The following OR13C3 variants were observed in gnomAD, a reference collection of about 807,000 sequenced individuals.
The protein encoded by OR13C3 is olfactory receptor 13C3.
In OR13C3, 19 loss-of-function variants were observed where a neutral mutation model predicts 14.4. The ratio of observed to expected loss-of-function variants is 1.31; its 90% confidence interval spans 0.92 to 1.93. OR13C3 has a LOEUF of 1.93. OR13C3 is among the 30% of genes most tolerant of loss of function. The probability of loss-of-function intolerance (pLI) is 0.00; values close to 1 mark genes in which losing one functional copy is unlikely to be tolerated. For synonymous variants in OR13C3, 140 were observed against 142.5 expected (o/e 0.98, Z 0.12); for missense variants, 394 against 381.4 (o/e 1.03, Z -0.27).
exon 1 of OR13C3, chr9:104,535,873 T>C: frequency 3.1e-6 from 5 of 1,613,474 alleles, no homozygotes; most frequent in Non-Finnish European, 4.2e-6. Flanking sequence ...CACTACCCCA[T>C]AAAACAGAGA....
At chr9:104,536,516 C>A in exon 1 of OR13C3, 2 of 1,614,050 alleles carry the variant, frequency 1.2e-6, no homozygotes, top group Non-Finnish European at 1.7e-6. Flanking sequence ...TAGCAGATAT[C>A]CAGGAAAGAG....
chr9:104,536,589 T>C (rs769876821), exon 1 of OR13C3: 21 of 1,613,714 alleles, frequency 1.3e-5, no homozygotes, highest in Non-Finnish European at 1.7e-5. Context: ...TGGCTATGAT[T>C]AGAACACCAT....
chr9:104,536,281 G>T (rs1365310552), exon 1 of OR13C3: 12 of 1,613,928 alleles, frequency 7.4e-6, no homozygotes, highest in Non-Finnish European at 1.0e-5. Context: ...GGACAGCCAG[G>T]ACACAGAAGC....
exon 1 of OR13C3, chr9:104,536,276 G>A: frequency 6.2e-7 from 1 of 1,614,106 alleles, no homozygotes; most frequent in Non-Finnish European, 8.5e-7. Flanking sequence ...CCACCGGACA[G>A]CCAGGACACA....
chr9:104,536,322 G>A, exon 1 of OR13C3: 1 of 1,614,162 alleles, frequency 6.2e-7, no homozygotes. Context: ...TGCTCAGGAT[G>A]ATGGGGTATC....
exon 1 of OR13C3, chr9:104,536,627 C>A: frequency 6.2e-7 from 1 of 1,614,050 alleles, no homozygotes; most frequent in South Asian, 1.1e-5. Context: ...AGGTACATAA[C>A]TAGAATGAGA....
chr9:104,536,623 A>G, exon 1 of OR13C3: 1 of 1,614,152 alleles, frequency 6.2e-7, no homozygotes, highest in Non-Finnish European at 8.5e-7. Context: ...CACTAGGTAC[A>G]TAACTAGAAT....
chr9:104,535,860 T>G (rs1007490730), exon 1 of OR13C3: 1 of 1,612,628 alleles, frequency 6.2e-7, no homozygotes, highest in Non-Finnish European at 8.5e-7. Flanking sequence ...TCAGCATGGG[T>G]GTCACTACCC....
At chr9:104,535,987 G>A in exon 1 of OR13C3, 1 of 1,613,820 alleles carries the variant, frequency 6.2e-7, no homozygotes, top group Non-Finnish European at 8.5e-7. Flanking sequence ...GATCACCACA[G>A]TCAGGTGAGC....
At position 104,536,561 on chromosome 9, in the gene OR13C3, A is replaced by G. The variant is rs200559262; in HGVS notation, c.163T>C (p.Phe55Leu). The G allele has an allele frequency of 2.7e-5, 44 of 1,614,152 alleles. No homozygotes were observed. The African/African-American group carries it at 3.7e-4, about 14-fold the overall frequency. The change falls in exon 1 of 1, where the codon TTT becomes CTT. Residue 55 changes from phenylalanine (F) to leucine (L), a missense_variant. Phe to Leu is a conservative substitution (Grantham distance 22, BLOSUM62 0). Transcript: ENST00000641090. ...AGGAAGAAGTACATTGGTGTGTGAA[A>G]ATGAGAATCAAAGATGCTGGCTATG...
At position 104,536,850 on chromosome 9, in the gene OR13C3, G is replaced by A. The variant is rs374586305; in HGVS notation, c.-127C>T. 7.0e-6 allele frequency: 10 copies of A among 1,433,870 alleles called. No individual in the cohort carries two copies. In the African/African-American group the frequency reaches 1.4e-4, roughly 20 times the overall value. 88.8% of individuals were successfully genotyped at this position (1,433,870 alleles called of 1,614,324 possible). A position where few individuals can be genotyped will look rare whatever the true frequency, so the allele number is the denominator to read the frequency against. On this transcript the variant is annotated 5_prime_UTR_variant, in exon 1 of 1. Coordinates refer to ENST00000641090, the Ensembl canonical transcript of OR13C3. The stretch of plus-strand genomic sequence containing the variant: ...ATATTAGAAGGAGTGCTTGCTTGAA[G>A]TTCTGACATCCAGTTATCTTCAGTA...
chr9:104,536,387 G>A (rs1828817627), exon 1 of OR13C3: 2 of 1,614,106 alleles, frequency 1.2e-6, no homozygotes, highest in Admixed American at 1.7e-5. Flanking sequence ...CCAAGAAGCA[G>A]ACATTCTGTT....
Position 104,536,088 on chromosome 9 carries a change from C to G in OR13C3, c.636G>C (p.Met212Ile), listed in dbSNP as rs754950179. The G allele has an allele frequency of 9.9e-6, 16 of 1,613,856 alleles. No homozygotes were observed. The South Asian group carries it at 1.5e-4, about 16-fold the overall frequency. ...TGAACATATAGGAGAAAAAAATGAC[C>G]ATCAGTGGAAGAACCAGGAAGGCCA... Residue 212 changes from methionine (M) to isoleucine (I), a missense_variant, in exon 1 of 1, where the codon ATG becomes ATC. Coordinates refer to ENST00000641090, the Ensembl canonical transcript of OR13C3.
At chr9:104,536,305 G>C (rs750198869) in exon 1 of OR13C3, 1 of 1,613,964 alleles carries the variant, frequency 6.2e-7, no homozygotes. Context: ...CAATACATAC[G>C]CCACCTTGCT....
At chr9:104,536,493 A>C (rs771876132) in exon 1 of OR13C3, 1 of 1,614,194 alleles carries the variant, frequency 6.2e-7, no homozygotes, top group African/African-American at 1.3e-5. Context: ...TTGAGGGAAC[A>C]GAGGAGGATG....
chr9:104,535,770 T>C, exon 1 of OR13C3: 1 of 1,588,242 alleles, frequency 6.3e-7, no homozygotes, highest in Non-Finnish European at 8.6e-7. Context: ...CCTGGTTTCA[T>C]TAGTGAATTG....
At chr9:104,535,935 C>G in exon 1 of OR13C3, 2 of 1,614,144 alleles carry the variant, frequency 1.2e-6, no homozygotes, top group Non-Finnish European at 1.7e-6. Context: ...GGTCTTGAGA[C>G]TTCGGTTTCG....
chr9:104,536,751 A>T (rs1828825759), exon 1 of OR13C3: 2 of 1,613,786 alleles, frequency 1.2e-6, no homozygotes, highest in South Asian at 2.2e-5. Flanking sequence ...AATCAAAAGA[A>T]GATCTAACAT....
At chr9:104,536,220 G>A in exon 1 of OR13C3, 1 of 1,614,136 alleles carries the variant, frequency 6.2e-7, no homozygotes, top group South Asian at 1.1e-5. Flanking sequence ...TATTCCCACA[G>A]AAAGGCAGTC....
Sources: allele counts gnomAD v4.1 joint callset, GRCh38; gene constraint gnomAD v4.1.1; transcripts MANE v1.5; gene names NCBI Gene and HGNC (gene_info 2026-07-23, HGNC 2026-07-21).